UNC13C: variants seen among roughly 807,000 people sequenced by gnomAD.
UNC13C encodes the protein protein unc-13 homolog C.
A neutral mutation model predicts 245.4 loss-of-function variants in UNC13C; 174 were observed. That is an observed-to-expected ratio of 0.71 (90% confidence interval 0.63 to 0.80). The LOEUF is 0.80. Among genes scored for constraint, UNC13C ranks in the 30% least tolerant of loss-of-function variants. The pLI is 0.00. For synonymous variants in UNC13C, 992 were observed against 895.1 expected, an observed-to-expected ratio of 1.11 and a Z score of -1.93; for missense variants, 2,829 against 2,602.9, an observed-to-expected ratio of 1.09 and a Z score of -1.89.
intron 2 of UNC13C, among the ~76,000 whole-genome samples, chr15:54,070,103 G>A (rs1898250398): frequency 6.6e-6 from 1 of 152,164 alleles, no homozygotes; most frequent in Non-Finnish European, 1.5e-5. Context: ...GCCCCTACTG[G>A]GGCGATTTTA....
At chr15:54,161,561 T>G (rs940700171) in intron 4 of UNC13C, among the ~76,000 whole-genome samples, 4 of 152,172 alleles carry the variant, frequency 2.6e-5, no homozygotes, top group Non-Finnish European at 4.4e-5. Flanking sequence ...AATATCAATA[T>G]TTATTTCTAT....
At chr15:53,845,667 A>C in the UNC13C span, among the ~76,000 whole-genome samples, 1 of 152,290 alleles carries the variant, frequency 6.6e-6, no homozygotes, top group East Asian at 1.9e-4. Context: ...TGTATGTGTT[A>C]TGTTTAAGCT....
At chr15:54,051,080 T>C (rs1405625656) in intron 2 of UNC13C, among the ~76,000 whole-genome samples, 2 of 152,218 alleles carry the variant, frequency 1.3e-5, no homozygotes, top group Non-Finnish European at 2.9e-5. Flanking sequence ...TTTTATACTC[T>C]TTTATTGTGA....
chr15:54,482,310 A>G (rs552277832), intron 19 of UNC13C, among the ~76,000 whole-genome samples: 111 of 152,194 alleles, frequency 7.3e-4, no homozygotes, highest in Middle Eastern at 6.8e-3. Flanking sequence ...AAATAGCACA[A>G]TATTGCTGCT....
At chr15:54,292,694 A>C (rs6493672) in intron 10 of UNC13C, among the ~76,000 whole-genome samples, 28 of 151,758 alleles carry the variant, frequency 1.8e-4, no homozygotes, top group African/African-American at 6.5e-4. Flanking sequence ...ATTATATTGA[A>C]ACACAGTTTT....
At chr15:54,598,282 A>T (rs898083424) in intron 30 of UNC13C, among the ~76,000 whole-genome samples, 2 of 152,202 alleles carry the variant, frequency 1.3e-5, no homozygotes, top group Admixed American at 6.5e-5. Context: ...TTTAGTAGAC[A>T]CAGGGTTTCA....
chr15:54,115,252 T>C (rs953383178), intron 2 of UNC13C, among the ~76,000 whole-genome samples: 43 of 152,260 alleles, frequency 2.8e-4, no homozygotes, highest in African/African-American at 8.7e-4. Context: ...GAAGACTACA[T>C]TGATGTTTTA....
intron 12 of UNC13C, 29 bp from the exon 13 acceptor site, chr15:54,300,181 C>G (rs16974475): frequency 2.5e-6 from 4 of 1,580,032 alleles, no homozygotes; most frequent in Non-Finnish European, 3.4e-6. Context: ...TGAGGAATCA[C>G]TGAACAATTA....
intron 2 of UNC13C, among the ~76,000 whole-genome samples, chr15:54,069,358 G>A (rs1193063193): frequency 1.3e-5 from 2 of 152,128 alleles, no homozygotes; most frequent in Non-Finnish European, 2.9e-5. Context: ...GTATCACAGT[G>A]ACTGGAGTCT....
At chr15:54,555,606 C>A in intron 29 of UNC13C, 94 bp downstream of exon 29, 1 of 890,430 alleles carries the variant, frequency 1.1e-6, no homozygotes, top group Non-Finnish European at 1.8e-6. Flanking sequence ...ATCAGTAGAG[C>A]TGCGCCATTC....
chr15:54,524,166 C>T (rs933032622), intron 24 of UNC13C, among the ~76,000 whole-genome samples: 5 of 150,812 alleles, frequency 3.3e-5, no homozygotes, highest in African/African-American at 1.0e-4. Context: ...CTGAATAGAA[C>T]TCTAGAAAGT....
In UNC13C at chr15:54,349,396, A is replaced by G. The variant is rs1307978814; in HGVS notation, c.4713+10907A>G. Among the ~76,000 whole-genome samples the G allele has an allele frequency of 2.6e-5, 4 of 151,904 alleles. No individual in the cohort carries two copies. In the South Asian group the frequency reaches 6.2e-4, roughly 24 times the overall value. ...GGTAAATAAAGTAAAAAATGAAACCATAATAAATTCTGAAAATATCAATAA... is the reference window on the plus strand; with the variant it reads ...GGTAAATAAAGTAAAAAATGAAACCGTAATAAATTCTGAAAATATCAATAA... On this transcript the variant is annotated intron_variant, in intron 17 of 32. Coordinates refer to ENST00000260323, the MANE Select transcript of UNC13C (RefSeq NM_001080534.3).
At chr15:54,134,621 G>T (rs147751857) in intron 2 of UNC13C, among the ~76,000 whole-genome samples, 4 of 152,008 alleles carry the variant, frequency 2.6e-5, no homozygotes, top group African/African-American at 9.7e-5. Flanking sequence ...CAGGGTTCAC[G>T]CCATTCTCCT....
intron 4 of UNC13C, among the ~76,000 whole-genome samples, chr15:54,155,958 T>A (rs2141258078): frequency 6.6e-6 from 1 of 152,254 alleles, no homozygotes; most frequent in Non-Finnish European, 1.5e-5. Flanking sequence ...TGTTGGGAAA[T>A]GTAAGTTGAA....
chr15:54,428,629 A>C (rs1386275854), intron 19 of UNC13C, among the ~76,000 whole-genome samples: 1 of 151,554 alleles, frequency 6.6e-6, no homozygotes, highest in African/African-American at 2.4e-5. Flanking sequence ...CTACTGTTAT[A>C]ACCCTAGCAT....
chr15:54,167,983 G>T (rs1221294178), intron 4 of UNC13C, among the ~76,000 whole-genome samples: 2 of 152,140 alleles, frequency 1.3e-5, no homozygotes, highest in Non-Finnish European at 2.9e-5. Context: ...TGGCAAAGAT[G>T]TGGAACAACC....
chr15:54,257,054 A>G (rs1288489825), intron 8 of UNC13C, among the ~76,000 whole-genome samples: 2 of 152,246 alleles, frequency 1.3e-5, no homozygotes, highest in Non-Finnish European at 2.9e-5. Context: ...GTGTTAGCAA[A>G]GTTCCTAGAA....
intron 2 of UNC13C, among the ~76,000 whole-genome samples, chr15:54,114,674 A>T (rs1385455479): frequency 6.6e-6 from 1 of 152,052 alleles, no homozygotes; most frequent in African/African-American, 2.4e-5. Context: ...ATAACCTTTT[A>T]CCTCTATGTA....
At position 54,628,346 on chromosome 15, in the gene UNC13C, T is replaced by C. The variant is rs530962177; in HGVS notation, c.*1233T>C. On this transcript the variant is annotated 3_prime_UTR_variant, in exon 33 of 33. Transcript: ENST00000260323. The stretch of plus-strand genomic sequence containing the variant: ...CTTATGGTCATAACTGTTAGTGGAC[T>C]ACTTACAGAAGCAGAAACAAGAGCC... The C allele has an allele frequency of 6.5e-6, 1 of 152,694 alleles. No individual in the cohort carries two copies. The highest frequency in any genetic ancestry group is 2.4e-5 in the African/African-American group (1 of 41,570). The allele number at this position is 152,694 out of a possible 1,614,324, so 9.5% of individuals were successfully genotyped here. A position where few individuals can be genotyped will look rare whatever the true frequency, so the allele number is the denominator to read the frequency against.
Sources: allele counts gnomAD v4.1 joint callset (sites outside exome capture counted in the v4.1 genomes callset), GRCh38; gene constraint gnomAD v4.1.1; transcripts MANE v1.5; gene names NCBI Gene and HGNC (gene_info 2026-07-23, HGNC 2026-07-21).